The following IL1RAPL1 variants were observed in gnomAD, a reference collection of about 807,000 sequenced individuals.
The protein encoded by IL1RAPL1 is interleukin 1 receptor accessory protein like 1.
A neutral mutation model predicts 48.4 loss-of-function variants in IL1RAPL1; 3 were observed. The ratio of observed to expected loss-of-function variants is 0.06; its 90% confidence interval spans 0.03 to 0.16. The LOEUF is 0.16. Ranked by LOEUF, IL1RAPL1 falls within the 10% of genes least tolerant of loss-of-function variation. IL1RAPL1 has a pLI of 1.00. For synonymous variants in IL1RAPL1, 185 were observed against 187.7 expected (o/e 0.99, Z 0.12); for missense variants, 349 against 530.6 (o/e 0.66, Z 3.36).
At chrX:28,702,900 C>A (rs1256869751) in intron 1 of IL1RAPL1, among the ~76,000 whole-genome samples, 2 of 109,987 alleles carry the variant, frequency 1.8e-5, no homozygotes, top group African/African-American at 6.6e-5. Context: ...GGAATTGAGA[C>A]CTAAACTATT....
chrX:29,672,438 C>T (rs996154566), intron 6 of IL1RAPL1, among the ~76,000 whole-genome samples: 7 of 111,455 alleles, frequency 6.3e-5, no homozygotes, highest in Non-Finnish European at 1.3e-4. Flanking sequence ...TCTCTCTCCT[C>T]TCTTTTACCT....
intron 2 of IL1RAPL1, among the ~76,000 whole-genome samples, chrX:28,825,365 C>T (rs1162564431): frequency 9.0e-6 from 1 of 111,111 alleles, no homozygotes; most frequent in African/African-American, 3.3e-5. Flanking sequence ...GCCTGCAGAG[C>T]TTTCTTTAAA....
At chrX:29,269,315 T>G (rs958361203) in intron 2 of IL1RAPL1, among the ~76,000 whole-genome samples, 10 of 111,501 alleles carry the variant, frequency 9.0e-5, no homozygotes, top group Non-Finnish European at 1.7e-4. Flanking sequence ...TAAGTAGCAC[T>G]GAGGCAGCTT....
intron 6 of IL1RAPL1, among the ~76,000 whole-genome samples, chrX:29,843,690 C>T (rs764500163): frequency 3.6e-5 from 4 of 111,156 alleles, no homozygotes; most frequent in South Asian, 3.9e-4. Flanking sequence ...TTCCTTGACA[C>T]ATGACTGTTT....
At chrX:29,689,106 G>A (rs1286928961) in intron 6 of IL1RAPL1, among the ~76,000 whole-genome samples, 2 of 111,882 alleles carry the variant, frequency 1.8e-5, no homozygotes, top group Non-Finnish European at 3.8e-5. Context: ...AAGGATGTCT[G>A]TTTACAAGTG....
intron 1 of IL1RAPL1, among the ~76,000 whole-genome samples, chrX:28,756,854 C>A (rs1936111308): frequency 9.0e-6 from 1 of 111,629 alleles, no homozygotes; most frequent in Non-Finnish European, 1.9e-5. Flanking sequence ...TGTTAAGCAA[C>A]TCTTCAGTAA....
At chrX:29,851,511 G>A (rs1315521935) in intron 6 of IL1RAPL1, among the ~76,000 whole-genome samples, 1 of 112,031 alleles carries the variant, frequency 8.9e-6, no homozygotes, top group Non-Finnish European at 1.9e-5. Flanking sequence ...GATTTCAACT[G>A]GTTTATCATA....
At chrX:28,942,016 C>T (rs925632681) in intron 2 of IL1RAPL1, 3 of 109,511 alleles carry the variant, frequency 2.7e-5, no homozygotes, top group African/African-American at 9.9e-5. Context: ...CTAAAGATTC[C>T]GAGTAAAGCT....
At chrX:29,805,907 A>C (rs1251994913) in intron 6 of IL1RAPL1, among the ~76,000 whole-genome samples, 1 of 108,851 alleles carries the variant, frequency 9.2e-6, no homozygotes, top group Non-Finnish European at 1.9e-5. Flanking sequence ...ATTGTATATA[A>C]GTAAGGAAGA....
chrX:29,930,550 G>A (rs751381636), intron 8 of IL1RAPL1, among the ~76,000 whole-genome samples: 14 of 111,801 alleles, frequency 1.3e-4, no homozygotes, highest in Non-Finnish European at 2.3e-4. Flanking sequence ...TGGTTACCTC[G>A]AGGTGGCATG....
intron 2 of IL1RAPL1, among the ~76,000 whole-genome samples, chrX:29,176,214 C>T (rs1488212356): frequency 9.4e-6 from 1 of 106,454 alleles, no homozygotes; most frequent in Non-Finnish European, 1.9e-5. Context: ...CTGCCTCAGC[C>T]GCCTGAGTAG....
intron 2 of IL1RAPL1, among the ~76,000 whole-genome samples, chrX:29,121,755 T>C (rs954126268): frequency 8.9e-6 from 1 of 111,879 alleles, no homozygotes; most frequent in African/African-American, 3.2e-5. Flanking sequence ...CTTAATCACG[T>C]CTGCAAAGTC....
chrX:29,337,975 G>A (rs754938452), intron 3 of IL1RAPL1, among the ~76,000 whole-genome samples: 5 of 111,696 alleles, frequency 4.5e-5, no homozygotes, highest in Non-Finnish European at 9.4e-5. Context: ...GCACCTGGCC[G>A]ACAAATTTAT....
In IL1RAPL1 at chrX:28,750,034, C is replaced by T. The variant is rs774110273; in HGVS notation, c.-24-39286C>T. Reference sequence around the variant, plus strand: ...GTGACACGATCTCTGCTTACTGCAACCTCCGTCTCCCAGGTTCAAGCAATT... The same window carrying T: ...GTGACACGATCTCTGCTTACTGCAATCTCCGTCTCCCAGGTTCAAGCAATT... On this transcript the variant is annotated intron_variant, in intron 1 of 10. Transcript: ENST00000378993. Among the ~76,000 whole-genome samples, 9 of 108,571 alleles carry T rather than the reference C, an allele frequency of 8.3e-5. No individual in the cohort carries two copies. The South Asian group carries it at 1.2e-3, about 15-fold the overall frequency. The allele number at this position is 108,571 out of a possible 115,157, so 94.3% of individuals were successfully genotyped here. A position where few individuals can be genotyped will look rare whatever the true frequency, so the allele number is the denominator to read the frequency against.
At chrX:29,039,553 C>A (rs1175631059) in intron 2 of IL1RAPL1, among the ~76,000 whole-genome samples, 1 of 110,676 alleles carries the variant, frequency 9.0e-6, no homozygotes, top group African/African-American at 3.3e-5. Context: ...GTTTAGGAGC[C>A]TTGCATGGCT....
intron 1 of IL1RAPL1, among the ~76,000 whole-genome samples, chrX:28,786,285 T>C (rs763925561): frequency 4.5e-5 from 5 of 110,976 alleles, no homozygotes; most frequent in Non-Finnish European, 7.5e-5. Flanking sequence ...CCCAACATAG[T>C]GAAACCCCAT....
At chrX:29,212,805 G>A (rs1451851771) in intron 2 of IL1RAPL1, among the ~76,000 whole-genome samples, 1 of 112,163 alleles carries the variant, frequency 8.9e-6, no homozygotes, top group African/African-American at 3.2e-5. Flanking sequence ...TTAACTGAAA[G>A]AGGATCATGA....
chrX:29,655,779 G>A (rs146703231), intron 5 of IL1RAPL1, among the ~76,000 whole-genome samples: 2,367 of 110,278 alleles, frequency 0.021, 59 homozygotes, highest in African/African-American at 0.074. Flanking sequence ...TGTTTTTGAA[G>A]TTTCTATGTC....
chrX:29,900,665 C>G (rs1286705566), intron 6 of IL1RAPL1, among the ~76,000 whole-genome samples: 1 of 111,903 alleles, frequency 8.9e-6, no homozygotes, highest in Non-Finnish European at 1.9e-5. Context: ...TATTTTTCTT[C>G]TCGAAGAGGG....
Sources: gnomAD v4.1 joint callset for allele counts (sites outside exome capture counted in the v4.1 genomes callset) on GRCh38, gnomAD v4.1.1 for gene constraint, MANE v1.5 for transcripts, NCBI Gene and HGNC (gene_info 2026-07-23, HGNC 2026-07-21) for gene names.